SAMD5: variants seen among roughly 807,000 people sequenced by gnomAD.
SAMD5 encodes sterile alpha motif domain-containing protein 5.
In SAMD5, 13 loss-of-function variants were observed where a neutral mutation model predicts 11.3. The observed-to-expected ratio is 1.15, with a 90% CI of 0.75 to 1.83. The LOEUF (loss-of-function observed/expected upper bound fraction) is 1.83. SAMD5 is among the 40% of genes most tolerant of loss of function. The pLI is 0.00. For missense variants in SAMD5, 255 were observed against 239.1 expected (o/e 1.07, Z -0.44); for synonymous variants, 129 against 111.3 (o/e 1.16, Z -1.00).
the SAMD5 span, among the ~76,000 whole-genome samples, chr6:147,909,685 T>G: frequency 3.3e-5 from 5 of 151,180 alleles, no homozygotes; most frequent in Non-Finnish European, 7.4e-5. Context: ...TGATTGGAGC[T>G]TTAGGGTGGA....
At chr6:147,777,020 T>C in the SAMD5 span, among the ~76,000 whole-genome samples, 1 of 152,218 alleles carries the variant, frequency 6.6e-6, no homozygotes, top group Admixed American at 6.5e-5. Flanking sequence ...CCAACTTGAT[T>C]GATTAGTTTC....
At chr6:147,816,436 G>C in the SAMD5 span, among the ~76,000 whole-genome samples, 482 of 148,702 alleles carry the variant, frequency 3.2e-3, 6 homozygotes, top group African/African-American at 0.011. Context: ...TACATCTTTA[G>C]AAGTGGTATT....
At chr6:147,742,358 T>C (rs945073715), downstream of SAMD5, among the ~76,000 whole-genome samples, 2 of 152,168 alleles carry the variant, frequency 1.3e-5, no homozygotes, top group Admixed American at 6.5e-5. Context: ...GATTGTTGAA[T>C]TGAAATGATT....
At chr6:147,511,567 G>A (rs1454348151) in intron 1 of SAMD5, among the ~76,000 whole-genome samples, 2 of 150,066 alleles carry the variant, frequency 1.3e-5, no homozygotes, top group Non-Finnish European at 3.0e-5. Context: ...ACTGATGGAA[G>A]AATAAAATAG....
intron 1 of SAMD5, among the ~76,000 whole-genome samples, chr6:147,646,971 C>CTAATAATAATAATAA (rs5880722): frequency 2.2e-5 from 3 of 138,090 alleles, no homozygotes; most frequent in African/African-American, 5.5e-5. Flanking sequence ...AACCTCATCT[C>CTAATAATAATAATAA]TAATAATAAT....
chr6:147,686,900 T>C (rs1047943606), intron 1 of SAMD5, among the ~76,000 whole-genome samples: 7 of 152,152 alleles, frequency 4.6e-5, no homozygotes, highest in Non-Finnish European at 2.9e-5. Flanking sequence ...ATTATTATTA[T>C]ACTCTAAGTT....
the SAMD5 span, among the ~76,000 whole-genome samples, chr6:147,888,694 C>G: frequency 2.0e-5 from 3 of 151,870 alleles, no homozygotes; most frequent in Non-Finnish European, 4.4e-5. Context: ...ACCAGCCTGA[C>G]CAACATGGTG....
chr6:147,811,579 G>A, the SAMD5 span, among the ~76,000 whole-genome samples: 25,502 of 152,032 alleles, frequency 0.17, 2,282 homozygotes, highest in East Asian at 0.35. Context: ...CAACAAGGAG[G>A]CAGTTGTATT....
chr6:147,540,933 GTTTTTTTT>G (rs1187718649), intron 1 of SAMD5, among the ~76,000 whole-genome samples: 3 of 64,156 alleles, frequency 4.7e-5, no homozygotes, highest in African/African-American at 5.4e-5. Context: ...CAAGCCACGC[GTTTTTTTT>G]TTTTTTTTTT....
the SAMD5 span, among the ~76,000 whole-genome samples, chr6:147,805,747 A>G: frequency 2.6e-5 from 4 of 152,168 alleles, no homozygotes; most frequent in Admixed American, 1.3e-4. Context: ...ATTGGCTGAG[A>G]TCTAAAAATG....
Position 147,509,382 on chromosome 6 carries a change from C to T in SAMD5, c.454C>T (p.Arg152Cys). Residue 152 changes from arginine (R) to cysteine (C), a missense_variant, in exon 1 of 2, where the codon CGC (arginine) becomes TGC (cysteine). Arg to Cys is a radical substitution (Grantham distance 180). Coordinates refer to ENST00000367474, the MANE Select transcript of SAMD5 (RefSeq NM_001030060.3). ...GIHLSKPPYS[R>C]KVPMAGILEY... ...CCACCTGAGCAAGCCCCCGTACTCC[C>T]GCAAGGTAAGGAGGTGCCGTCCGGG... is the stretch of plus-strand genomic sequence containing the variant. The T allele has an allele frequency of 2.6e-6, 4 of 1,544,126 alleles. No individual in the cohort carries two copies. The highest frequency in any genetic ancestry group is 1.2e-5 in the South Asian group (1 of 82,258).
At chr6:147,830,251 C>CTTTCTTTT in the SAMD5 span, among the ~76,000 whole-genome samples, 2 of 84,930 alleles carry the variant, frequency 2.4e-5, no homozygotes, top group African/African-American at 4.7e-5. Context: ...TTCTTTCTTT[C>CTTTCTTTT]TTTTTTTTTT....
At chr6:147,602,612 C>A (rs922644220) in intron 1 of SAMD5, among the ~76,000 whole-genome samples, 1 of 152,116 alleles carries the variant, frequency 6.6e-6, no homozygotes, top group Admixed American at 6.6e-5. Context: ...GACATGGTGG[C>A]GGTTGCCTGT....
intron 1 of SAMD5, among the ~76,000 whole-genome samples, chr6:147,521,591 T>G (rs1788256123): frequency 6.6e-6 from 1 of 152,090 alleles, no homozygotes. Flanking sequence ...AAACCTGAAT[T>G]GCCTCATCTA....
Position 147,603,250 on chromosome 6 carries a change from G to A in SAMD5, c.162+93863G>A, listed in dbSNP as rs538386190. ...GACATATTAATAAAACAGTCTATTG[G>A]CAACACAATTTCAGGCCCACAGATA... On this transcript the variant is annotated intron_variant, in intron 1 of 1. Transcript: ENST00000566741. Among the ~76,000 whole-genome samples the A allele has an allele frequency of 5.3e-5, 8 of 152,154 alleles. No homozygotes were observed. The South Asian group carries it at 1.7e-3, about 32-fold the overall frequency.
intron 1 of SAMD5, among the ~76,000 whole-genome samples, chr6:147,535,996 T>TAAAATAAAA (rs1788502466): frequency 6.6e-6 from 1 of 152,086 alleles, no homozygotes; most frequent in African/African-American, 2.4e-5. Context: ...AGTTTTTTTT[T>TAAAATAAAA]TTTTTGAGAC....
the SAMD5 span, among the ~76,000 whole-genome samples, chr6:147,819,481 C>T: frequency 3.9e-5 from 6 of 152,296 alleles, no homozygotes; most frequent in African/African-American, 1.2e-4. Flanking sequence ...GATTAATTTG[C>T]TTTTAGCTGC....
the SAMD5 span, among the ~76,000 whole-genome samples, chr6:147,898,076 T>C: frequency 6.6e-6 from 1 of 151,238 alleles, no homozygotes; most frequent in Non-Finnish European, 1.5e-5. Context: ...GAGGGCCTGG[T>C]ATTTGTCTTG....
At chr6:147,719,443 C>T (rs1050349531) in intron 1 of SAMD5, among the ~76,000 whole-genome samples, 7 of 152,134 alleles carry the variant, frequency 4.6e-5, no homozygotes, top group South Asian at 2.1e-4. Flanking sequence ...AAAGGCGCAG[C>T]AGACATTCTA....
Sources: allele counts gnomAD v4.1 joint callset (sites outside exome capture counted in the v4.1 genomes callset), GRCh38; gene constraint gnomAD v4.1.1; transcripts MANE v1.5; gene names NCBI Gene and HGNC (gene_info 2026-07-23, HGNC 2026-07-21).